Variants in KCNC2 observed in about 807,000 individuals in gnomAD.
The protein encoded by KCNC2 is voltage-gated potassium channel KCNC2.
In KCNC2, 21 loss-of-function variants were observed where a neutral mutation model predicts 44.5. The observed-to-expected ratio is 0.47, with a 90% confidence interval of 0.33 to 0.68. KCNC2 has a LOEUF of 0.68. KCNC2 is among the 30% of genes least tolerant of loss of function. The pLI is 0.01. For synonymous variants in KCNC2, 391 were observed against 339.1 expected (o/e 1.15, Z -1.68); for missense variants, 589 against 826.2 (o/e 0.71, Z 3.52).
At chr12:75,085,556 C>T (rs894342064) in intron 2 of KCNC2, among the ~76,000 whole-genome samples, 11 of 152,026 alleles carry the variant, frequency 7.2e-5, no homozygotes, top group African/African-American at 2.7e-4. Context: ...GCGGCAGAAC[C>T]ATGAATCTAA....
rs2030529062 is a variant in KCNC2 at position 75,193,892 on chromosome 12, CA to C, written c.687+13404del. Among the ~76,000 whole-genome samples, 7 of 152,100 alleles carry C rather than the reference CA, an allele frequency of 4.6e-5. No homozygotes were observed. The South Asian group carries it at 1.5e-3, about 32-fold the overall frequency. On this transcript the variant is annotated intron_variant, in intron 2 of 4. Transcript: ENST00000549446. Reference sequence around the variant, plus strand: ...AGAGATTCAATAGTATAAAATGCAACAACCAAGACGAGCAAATGAAAAAGAA... The same window carrying C: ...AGAGATTCAATAGTATAAAATGCAACACCAAGACGAGCAAATGAAAAAGAA...
At chr12:75,053,729 G>T (rs1881435357) in intron 2 of KCNC2, among the ~76,000 whole-genome samples, 1 of 146,546 alleles carries the variant, frequency 6.8e-6, no homozygotes. Context: ...TCCTATTATA[G>T]TAATATTTTG....
intron 2 of KCNC2, among the ~76,000 whole-genome samples, chr12:75,109,800 T>A (rs1887080953): frequency 6.6e-6 from 1 of 152,092 alleles, no homozygotes; most frequent in South Asian, 2.1e-4. Context: ...GCTTTTATTT[T>A]AAATAGTTCA....
intron 2 of KCNC2, among the ~76,000 whole-genome samples, chr12:75,092,916 T>A (rs1161935183): frequency 2.6e-5 from 4 of 151,570 alleles, no homozygotes; most frequent in African/African-American, 9.7e-5. Context: ...CATTCTTGCA[T>A]CTATTTTTCA....
At chr12:75,174,115 A>G (rs531130263) in intron 2 of KCNC2, among the ~76,000 whole-genome samples, 54 of 149,256 alleles carry the variant, frequency 3.6e-4, no homozygotes, top group African/African-American at 1.2e-3. Flanking sequence ...TAAGTTAAAT[A>G]CTGTTCTTCA....
At chr12:75,119,966 T>A (rs552397375) in intron 2 of KCNC2, among the ~76,000 whole-genome samples, 1 of 152,286 alleles carries the variant, frequency 6.6e-6, no homozygotes, top group South Asian at 2.1e-4. Context: ...TAAAACCAAA[T>A]CCGGCAAAAT....
At chr12:75,132,634 C>T (rs948498682) in intron 2 of KCNC2, among the ~76,000 whole-genome samples, 16 of 152,098 alleles carry the variant, frequency 1.1e-4, no homozygotes, top group African/African-American at 3.9e-4. Context: ...ATAGCTCCTT[C>T]TTTGGCTTTC....
chr12:75,059,019 C>T (rs1169891788), intron 2 of KCNC2, among the ~76,000 whole-genome samples: 3 of 151,996 alleles, frequency 2.0e-5, no homozygotes, highest in African/African-American at 7.2e-5. Context: ...GATGTATGAG[C>T]AGCAGACACT....
At chr12:75,164,650 G>A (rs908564268) in intron 2 of KCNC2, among the ~76,000 whole-genome samples, 1 of 151,598 alleles carries the variant, frequency 6.6e-6, no homozygotes, top group Non-Finnish European at 1.5e-5. Flanking sequence ...GGACATGAAT[G>A]TTCTCTGGAT....
intron 2 of KCNC2, among the ~76,000 whole-genome samples, chr12:75,109,419 A>G (rs1052488243): frequency 1.3e-5 from 2 of 152,176 alleles, no homozygotes; most frequent in African/African-American, 4.8e-5. Context: ...ACCCAAAGAT[A>G]ACTTTTGCCT....
intron 2 of KCNC2, among the ~76,000 whole-genome samples, chr12:75,186,568 G>A (rs960895187): frequency 1.3e-5 from 2 of 152,030 alleles, no homozygotes; most frequent in Non-Finnish European, 2.9e-5. Context: ...AATTATTCAA[G>A]GGACACTTTT....
At position 75,179,681 on chromosome 12, in the gene KCNC2, C is replaced by T. The variant is rs183240177; in HGVS notation, c.687+27616G>A. 1.5e-3 allele frequency among the ~76,000 whole-genome samples: 217 copies of T among 148,504 alleles called. 2 individuals are homozygous for T. Among genetic ancestry groups the T allele is most frequent in the Admixed American group, 5.2e-3 (78 of 15,018 alleles). ...ACTACTTTTATATCTTTTATAAAAA[C>T]TATAAAAGATATAAAACTACTTGTA... is the stretch of plus-strand genomic sequence containing the variant. On this transcript the variant is annotated intron_variant, in intron 2 of 4. Transcript: ENST00000549446.
At chr12:75,162,289 T>A (rs1458622) in intron 2 of KCNC2, among the ~76,000 whole-genome samples, 26,981 of 151,722 alleles carry the variant, frequency 0.18, 2,577 homozygotes, top group African/African-American at 0.2. Flanking sequence ...TCTTAGTTTC[T>A]TTATTTATAA....
rs567619028 is a variant in KCNC2, at chr12:75,193,394, G to A, written c.687+13903C>T. Among the ~76,000 whole-genome samples, 44 of 152,206 alleles carry A rather than the reference G, an allele frequency of 2.9e-4. 1 individual carries two copies. The South Asian group carries it at 7.5e-3, about 26-fold the overall frequency. On this transcript the variant is annotated intron_variant, in intron 2 of 4. Transcript: ENST00000549446. ...GGTCCTTTTCTTCCCAAGGAAATCCGGAGGAGCCTCAAATTCAGAGGCAAC... is the reference window on the plus strand; with the variant it reads ...GGTCCTTTTCTTCCCAAGGAAATCCAGAGGAGCCTCAAATTCAGAGGCAAC...
chr12:75,101,569 A>G (rs1886375725), intron 2 of KCNC2, among the ~76,000 whole-genome samples: 1 of 152,140 alleles, frequency 6.6e-6, no homozygotes, highest in African/African-American at 2.4e-5. Context: ...TCTTAAAAAG[A>G]GAAAACTTGG....
At chr12:75,092,814 TATA>T in intron 2 of KCNC2, among the ~76,000 whole-genome samples, 1 of 151,676 alleles carries the variant, frequency 6.6e-6, no homozygotes, top group Non-Finnish European at 1.5e-5. Flanking sequence ...CAGTCCAAAA[TATA>T]ATATTCTTTT....
At chr12:75,132,599 T>C (rs920622621) in intron 2 of KCNC2, among the ~76,000 whole-genome samples, 7 of 152,152 alleles carry the variant, frequency 4.6e-5, no homozygotes, top group Non-Finnish European at 7.4e-5. Context: ...ATTGCAACTT[T>C]TGAGAAGAAA....
intron 3 of KCNC2, among the ~76,000 whole-genome samples, chr12:75,048,826 T>C (rs913953229): frequency 6.6e-6 from 1 of 152,118 alleles, no homozygotes; most frequent in African/African-American, 2.4e-5. Flanking sequence ...CGTTTCCAGG[T>C]AGTCAATTTT....
chr12:75,194,662 A>G (rs141657061), intron 2 of KCNC2, among the ~76,000 whole-genome samples: 1 of 152,328 alleles, frequency 6.6e-6, no homozygotes, highest in African/African-American at 2.4e-5. Context: ...AAAATATTTG[A>G]TAACTAGAGA....
Sources: allele counts gnomAD v4.1 joint callset (sites outside exome capture counted in the v4.1 genomes callset), GRCh38; gene constraint gnomAD v4.1.1; transcripts MANE v1.5; gene names NCBI Gene and HGNC (gene_info 2026-07-23, HGNC 2026-07-21).